L3MBTL4: variants seen among roughly 807,000 people sequenced by gnomAD.
L3MBTL4 encodes lethal(3)malignant brain tumor-like protein 4.
L3MBTL4 carries 70 observed loss-of-function variants against 84.5 expected under a neutral mutation model. The observed-to-expected ratio is 0.83, with a 90% confidence interval of 0.68 to 1.01. L3MBTL4 has a LOEUF of 1.01. Among genes scored for constraint, L3MBTL4 ranks in the 50% least tolerant of loss-of-function variants. The pLI is 0.00. For missense variants in L3MBTL4, 715 were observed against 754.8 expected (o/e 0.95, Z 0.62); for synonymous variants, 274 against 259.8 (o/e 1.05, Z -0.52).
chr18:6,117,395 A>T (rs2059391719), intron 14 of L3MBTL4, among the ~76,000 whole-genome samples: 2 of 152,214 alleles, frequency 1.3e-5, no homozygotes, highest in South Asian at 4.1e-4. Flanking sequence ...AGCTACTGTA[A>T]GGGAAGTTAA....
chr18:6,308,381 G>C (rs928074458), intron 3 of L3MBTL4, among the ~76,000 whole-genome samples: 5 of 152,176 alleles, frequency 3.3e-5, no homozygotes, highest in Non-Finnish European at 7.3e-5. Context: ...ATACCTAGTG[G>C]TTTATCAAAA....
At chr18:6,029,577 A>G in intron 16 of L3MBTL4, 1 of 985,430 alleles carries the variant, frequency 1.0e-6, no homozygotes, top group Non-Finnish European at 1.2e-6. Context: ...AAAAACGATA[A>G]ACTGCTTAGG....
intron 4 of L3MBTL4, among the ~76,000 whole-genome samples, chr18:6,288,447 A>G (rs1174992573): frequency 1.3e-5 from 2 of 152,234 alleles, no homozygotes; most frequent in Non-Finnish European, 2.9e-5. Flanking sequence ...AATTAGAAAT[A>G]TCTTCAAAAT....
chr18:6,174,804 T>C (rs1223791869), intron 12 of L3MBTL4, among the ~76,000 whole-genome samples: 1 of 149,708 alleles, frequency 6.7e-6, no homozygotes, highest in East Asian at 2.0e-4. Flanking sequence ...GGAAGCGGAG[T>C]TTGCAGTGAG....
intron 15 of L3MBTL4, among the ~76,000 whole-genome samples, chr18:6,087,868 T>A (rs1016973045): frequency 6.6e-6 from 1 of 152,200 alleles, no homozygotes; most frequent in Non-Finnish European, 1.5e-5. Flanking sequence ...TATATCTACC[T>A]ACATCTATAT....
At chr18:6,145,287 C>T (rs1366232031) in intron 13 of L3MBTL4, among the ~76,000 whole-genome samples, 10 of 152,164 alleles carry the variant, frequency 6.6e-5, no homozygotes, top group Admixed American at 2.6e-4. Flanking sequence ...AATGAAAATG[C>T]TTATTATTAT....
chr18:6,340,798 C>T (rs1448481311), intron 1 of L3MBTL4, among the ~76,000 whole-genome samples: 1 of 152,142 alleles, frequency 6.6e-6, no homozygotes, highest in Non-Finnish European at 1.5e-5. Flanking sequence ...CTATAGGTCC[C>T]CACAATGATG....
At chr18:6,155,750 A>T (rs2043076355) in intron 13 of L3MBTL4, among the ~76,000 whole-genome samples, 1 of 152,180 alleles carries the variant, frequency 6.6e-6, no homozygotes, top group Non-Finnish European at 1.5e-5. Flanking sequence ...TTTAGCGCTC[A>T]TTGAATTTTA....
intron 16 of L3MBTL4, chr18:6,032,229 G>T: frequency 1.6e-6 from 1 of 617,658 alleles, no homozygotes; most frequent in Non-Finnish European, 2.0e-6. Flanking sequence ...TGCCTGCCTC[G>T]GCCTCCCAAA....
At chr18:6,130,863 T>G (rs892885154) in intron 14 of L3MBTL4, among the ~76,000 whole-genome samples, 3 of 150,686 alleles carry the variant, frequency 2.0e-5, no homozygotes, top group Admixed American at 1.3e-4. Flanking sequence ...AAGTCCTATT[T>G]TCATACAGAT....
chr18:5,958,492 T>C (rs1245866419), intron 18 of L3MBTL4, among the ~76,000 whole-genome samples: 1 of 152,174 alleles, frequency 6.6e-6, no homozygotes, highest in Non-Finnish European at 1.5e-5. Context: ...AAGGTCGTGA[T>C]GGTGACAACA....
intron 12 of L3MBTL4, among the ~76,000 whole-genome samples, chr18:6,202,689 G>A (rs1005825575): frequency 6.6e-6 from 1 of 152,164 alleles, no homozygotes; most frequent in African/African-American, 2.4e-5. Flanking sequence ...GAGATGGGTA[G>A]ACTGTAAGAA....
At chr18:6,298,334 A>G (rs1346777165) in intron 4 of L3MBTL4, among the ~76,000 whole-genome samples, 1 of 152,094 alleles carries the variant, frequency 6.6e-6, no homozygotes, top group Non-Finnish European at 1.5e-5. Flanking sequence ...TCTTATCTGA[A>G]TTACCTGTTT....
intron 1 of L3MBTL4, among the ~76,000 whole-genome samples, chr18:6,354,371 C>CA (rs982460816): frequency 1.3e-5 from 2 of 151,992 alleles, no homozygotes; most frequent in African/African-American, 4.8e-5. Context: ...TTGGTCTGGG[C>CA]AAAAATGTCT....
At chr18:6,142,659 G>A (rs1193740597) in intron 13 of L3MBTL4, among the ~76,000 whole-genome samples, 9 of 152,258 alleles carry the variant, frequency 5.9e-5, no homozygotes, top group South Asian at 4.1e-4. Flanking sequence ...GGTGGCCCAC[G>A]CATGTAATCC....
At position 6,395,752 on chromosome 18, in the gene L3MBTL4, C is replaced by T. The variant is rs146971912; in HGVS notation, c.-91+19049G>A. ...GCTCCACAACAGCTAAATACATTAC[C>T]ATATTACATGGGTGTTCTACACTCG... On this transcript the variant is annotated intron_variant, in intron 1 of 18. Transcript: ENST00000317931. 4.8e-3 allele frequency: 734 copies of T among 152,114 alleles called. 5 individuals carry two copies. The highest frequency in any genetic ancestry group is 0.017 in the African/African-American group (695 of 41,506). The allele number at this position is 152,114 out of a possible 1,614,324, so 9.4% of individuals were successfully genotyped here. A position where few individuals can be genotyped will look rare whatever the true frequency, so the allele number is the denominator to read the frequency against.
chr18:6,008,152 T>A (rs796711343), intron 16 of L3MBTL4, among the ~76,000 whole-genome samples: 4 of 152,288 alleles, frequency 2.6e-5, no homozygotes, highest in African/African-American at 9.6e-5. Context: ...TTGATCCCAA[T>A]GGTAAGTGGC....
chr18:6,382,341 T>C (rs907839618), intron 1 of L3MBTL4, among the ~76,000 whole-genome samples: 3 of 152,198 alleles, frequency 2.0e-5, no homozygotes, highest in Non-Finnish European at 2.9e-5. Context: ...TGTCAATTCA[T>C]CAGACTCATT....
At chr18:6,334,584 A>G (rs1175606915) in intron 1 of L3MBTL4, among the ~76,000 whole-genome samples, 2 of 152,248 alleles carry the variant, frequency 1.3e-5, no homozygotes, top group Non-Finnish European at 2.9e-5. Flanking sequence ...GATTAAAAAC[A>G]TCAAAATATA....
Sources: allele counts gnomAD v4.1 joint callset (sites outside exome capture counted in the v4.1 genomes callset), GRCh38; gene constraint gnomAD v4.1.1; transcripts MANE v1.5; gene names NCBI Gene and HGNC (gene_info 2026-07-23, HGNC 2026-07-21).